The following SLC25A48 variants were observed in gnomAD, a reference collection of about 807,000 sequenced individuals.
SLC25A48 encodes CTC-321K16.1.
A neutral mutation model predicts 32.2 loss-of-function variants in SLC25A48; 29 were observed. The ratio of observed to expected loss-of-function variants is 0.90; its 90% CI spans 0.67 to 1.23. SLC25A48 has a LOEUF of 1.23. SLC25A48 is among the 50% of genes most tolerant of loss of function. SLC25A48 has a pLI of 0.00. For missense variants in SLC25A48, 399 were observed against 422.7 expected, an observed-to-expected ratio of 0.94 and a Z score of 0.49; for synonymous variants, 164 against 172.3, an observed-to-expected ratio of 0.95 and a Z score of 0.38.
At chr5:135,614,801 C>G (rs753700411) in intron 1 of SLC25A48, among the ~76,000 whole-genome samples, 1 of 152,036 alleles carries the variant, frequency 6.6e-6, no homozygotes, top group Non-Finnish European at 1.5e-5. Context: ...AATTGTAATC[C>G]TTAGTGTTGT....
intron 4 of SLC25A48, among the ~76,000 whole-genome samples, chr5:135,816,068 G>T (rs11951836): frequency 6.6e-6 from 1 of 152,006 alleles, no homozygotes. Flanking sequence ...TGCCTTCTTC[G>T]CATGGTGGCA....
At chr5:135,766,157 G>C (rs184868909) in intron 3 of SLC25A48, among the ~76,000 whole-genome samples, 1 of 151,790 alleles carries the variant, frequency 6.6e-6, no homozygotes, top group East Asian at 2.0e-4. Context: ...GGGAGAGGGT[G>C]ATACTCCCAA....
At chr5:135,673,780 G>A (rs527540078) in intron 3 of SLC25A48, among the ~76,000 whole-genome samples, 6 of 152,086 alleles carry the variant, frequency 3.9e-5, no homozygotes, top group Admixed American at 3.9e-4. Context: ...TCCTTGCCAA[G>A]TCCAGTCATT....
chr5:135,886,667 TGTGTGTGAGAGA>T (rs1418860837), intron 7 of SLC25A48, among the ~76,000 whole-genome samples: 1 of 87,650 alleles, frequency 1.1e-5, no homozygotes, highest in Non-Finnish European at 2.2e-5. Context: ...TGTGTGTGTG[TGTGTGTGAGAGA>T]GAGAGAGAGA....
intron 4 of SLC25A48, among the ~76,000 whole-genome samples, chr5:135,858,988 C>T (rs1407852881): frequency 6.6e-6 from 1 of 152,006 alleles, no homozygotes; most frequent in Non-Finnish European, 1.5e-5. Flanking sequence ...CAAAAAGTCA[C>T]CAGGCAGTGT....
intron 1 of SLC25A48, among the ~76,000 whole-genome samples, chr5:135,600,743 T>C (rs2126883436): frequency 6.6e-6 from 1 of 152,048 alleles, no homozygotes; most frequent in African/African-American, 2.4e-5. Context: ...AGTGCAGTGG[T>C]GCAATCTCGG....
At position 135,834,944 on chromosome 5, in the gene SLC25A48, G is replaced by A. The variant is rs372540638; in HGVS notation, c.46+51G>A. ...GGTCAGAGAGAGCGAGCCTGGCGGAGTTTGCCTCTATGCTCTGAGGAAACT... is the reference window on the plus strand; with the variant it reads ...GGTCAGAGAGAGCGAGCCTGGCGGAATTTGCCTCTATGCTCTGAGGAAACT... On this transcript the variant is annotated intron_variant, in intron 1 of 7. Transcript: ENST00000681962. 3.2e-6 allele frequency: 5 copies of A among 1,572,150 alleles called. No individual in the cohort carries two copies. The African/African-American group carries it at 4.0e-5, about 13-fold the overall frequency.
intron 3 of SLC25A48, chr5:135,653,927 G>T (rs971360481): frequency 4.4e-6 from 2 of 456,242 alleles, no homozygotes; most frequent in Non-Finnish European, 8.8e-6. Context: ...AGGGAATGTT[G>T]TTCTCTCTGG....
chr5:135,844,729 CAAGATTTTAACCAAAATT>C (rs1314500230), intron 2 of SLC25A48, among the ~76,000 whole-genome samples: 1 of 152,166 alleles, frequency 6.6e-6, no homozygotes, highest in Non-Finnish European at 1.5e-5. Context: ...CAATGTCCAG[CAAGATTTTAACCAAAATT>C]GGAGAATGTG....
chr5:135,768,601 G>A (rs1440956970), intron 3 of SLC25A48, among the ~76,000 whole-genome samples: 1 of 151,480 alleles, frequency 6.6e-6, no homozygotes, highest in African/African-American at 2.4e-5. Context: ...AGCGGATGAT[G>A]ATACTCCCAA....
chr5:135,700,370 T>TTAA (rs1754363959), intron 3 of SLC25A48, among the ~76,000 whole-genome samples: 1 of 4,128 alleles, frequency 2.4e-4, no homozygotes, highest in Non-Finnish European at 7.1e-4. Flanking sequence ...AGACTCTGTC[T>TTAA]CAAAAAAAAA....
intron 3 of SLC25A48, among the ~76,000 whole-genome samples, chr5:135,717,138 C>T (rs1043689344): frequency 2.6e-5 from 4 of 152,202 alleles, no homozygotes; most frequent in African/African-American, 9.7e-5. Context: ...ATGTCGCTAG[C>T]ATCAGGGAGC....
At chr5:135,643,402 C>T (rs1752886031) in intron 3 of SLC25A48, among the ~76,000 whole-genome samples, 1 of 152,206 alleles carries the variant, frequency 6.6e-6, no homozygotes, top group Non-Finnish European at 1.5e-5. Context: ...GTCAGCCACA[C>T]TTGCAGGAAG....
intron 3 of SLC25A48, among the ~76,000 whole-genome samples, chr5:135,755,952 A>G (rs1014580683): frequency 3.9e-5 from 6 of 152,156 alleles, no homozygotes; most frequent in African/African-American, 1.4e-4. Flanking sequence ...TCAACGCACT[A>G]TACTAATGAA....
chr5:135,783,858 T>G lies in SLC25A48; in HGVS notation c.-520-28665T>G, dbSNP rs1199704506. Among the ~76,000 whole-genome samples, 4 of 118,668 alleles carry G rather than the reference T, an allele frequency of 3.4e-5. 2 individuals carry two copies. Among genetic ancestry groups the G allele is most frequent in the Non-Finnish European group, 8.3e-5 (4 of 47,970 alleles). The allele number at this position is 118,668 out of a possible 152,430, so 77.9% of individuals were successfully genotyped here. A position where few individuals can be genotyped will look rare whatever the true frequency, so the allele number is the denominator to read the frequency against. On this transcript the variant is annotated intron_variant, in intron 3 of 10. Transcript: ENST00000646290. The stretch of plus-strand genomic sequence containing the variant: ...CCAATATCGCTGGGAGCGAACACTT[T>G]CCCTGTAATATTCTTCTTGGTATTC...
Position 135,880,951 on chromosome 5 carries a change from A to G in SLC25A48, c.*7+854A>G, listed in dbSNP as rs189846235. ...TGCAGACCATCCCCCACCCCCACCC[A>G]CACTGCATCCTAAATGCCAGAGGAC... On this transcript the variant is annotated intron_variant, in intron 7 of 7. Coordinates refer to ENST00000681962, the MANE Select transcript of SLC25A48 (RefSeq NM_001349336.2). 5.9e-3 allele frequency among the ~76,000 whole-genome samples: 648 copies of G among 109,116 alleles called. 5 individuals are homozygous for G. The highest frequency in any genetic ancestry group is 0.026 in the Middle Eastern group (6 of 228). The allele number at this position is 109,116 out of a possible 152,430, so 71.6% of individuals were successfully genotyped here.
At chr5:135,800,418 A>G (rs1163559428) in intron 3 of SLC25A48, among the ~76,000 whole-genome samples, 1 of 151,902 alleles carries the variant, frequency 6.6e-6, no homozygotes, top group Non-Finnish European at 1.5e-5. Flanking sequence ...TAAGCAGATG[A>G]TATTACTTTC....
Position 135,869,705 on chromosome 5 carries a change from TG to T in SLC25A48, c.422-1753del, listed in dbSNP as rs557601226. On this transcript the variant is annotated intron_variant, in intron 4 of 7. Transcript: ENST00000681962. ...CCAGATGAACCAGGCAGTAGCACCA[TG>T]GGTCTGGAAGAGGAAGGGGTGCCTA... Among the ~76,000 whole-genome samples the T allele has an allele frequency of 7.6e-4, 116 of 152,228 alleles. 1 individual carries two copies. Among genetic ancestry groups the T allele is most frequent in the African/African-American group, 2.7e-3 (113 of 41,558 alleles).
chr5:135,624,077 G>A (rs1199446268), intron 1 of SLC25A48, among the ~76,000 whole-genome samples: 2 of 152,210 alleles, frequency 1.3e-5, no homozygotes, highest in Admixed American at 1.3e-4. Context: ...GTTGTTCCAT[G>A]AAATGAGCAC....
Sources: gnomAD v4.1 joint callset for allele counts (sites outside exome capture counted in the v4.1 genomes callset) on GRCh38, gnomAD v4.1.1 for gene constraint, MANE v1.5 for transcripts, NCBI Gene and HGNC (gene_info 2026-07-23, HGNC 2026-07-21) for gene names.